Variants in HOOK3 observed in about 807,000 individuals in gnomAD.
The protein encoded by HOOK3 is hook microtubule tethering protein 3.
HOOK3 carries 24 observed loss-of-function variants against 116.3 expected under a neutral mutation model. The observed-to-expected ratio is 0.21, with a 90% CI of 0.15 to 0.29. The LOEUF (loss-of-function observed/expected upper bound fraction) is 0.29. Among genes scored for constraint, HOOK3 ranks in the 10% least tolerant of loss-of-function variants. The pLI is 1.00. For missense variants in HOOK3, 632 were observed against 830.2 expected, an observed-to-expected ratio of 0.76 and a Z score of 2.93; for synonymous variants, 275 against 283.0, an observed-to-expected ratio of 0.97 and a Z score of 0.28.
At chr8:42,901,347 A>C (rs570322134) in intron 1 of HOOK3, among the ~76,000 whole-genome samples, 1 of 152,332 alleles carries the variant, frequency 6.6e-6, no homozygotes, top group African/African-American at 2.4e-5. Flanking sequence ...TGCTATCCTG[A>C]AATAGATGTT....
chr8:42,961,461 A>C (rs925883835), intron 8 of HOOK3, among the ~76,000 whole-genome samples: 1 of 152,180 alleles, frequency 6.6e-6, no homozygotes, highest in South Asian at 2.1e-4. Flanking sequence ...TGGGTGACTG[A>C]GTGAAATGAA....
At chr8:42,990,480 C>A (rs147385536) in intron 15 of HOOK3, among the ~76,000 whole-genome samples, 1 of 151,212 alleles carries the variant, frequency 6.6e-6, no homozygotes, top group Non-Finnish European at 1.5e-5. Flanking sequence ...GCTGAGATTA[C>A]AGGCATGTCC....
chr8:42,984,900 G>GA (rs1362209233), intron 14 of HOOK3, among the ~76,000 whole-genome samples: 3 of 151,738 alleles, frequency 2.0e-5, no homozygotes, highest in South Asian at 2.1e-4. Flanking sequence ...GATTCTGTCT[G>GA]AAAAAAAAGA....
chr8:43,014,166 A>G (rs1382726151), intron 21 of HOOK3, among the ~76,000 whole-genome samples: 1 of 151,402 alleles, frequency 6.6e-6, no homozygotes, highest in Non-Finnish European at 1.5e-5. Context: ...CATGCTTGTA[A>G]TCCCAGCTAC....
At chr8:43,016,717 G>A (rs1389950294) in intron 21 of HOOK3, among the ~76,000 whole-genome samples, 3 of 152,154 alleles carry the variant, frequency 2.0e-5, no homozygotes, top group Admixed American at 6.5e-5. Context: ...AATATATGTA[G>A]CCAAATGTAT....
chr8:42,927,793 T>C (rs1807797234), intron 3 of HOOK3, among the ~76,000 whole-genome samples: 1 of 152,072 alleles, frequency 6.6e-6, no homozygotes, highest in African/African-American at 2.4e-5. Flanking sequence ...TTTGTAGGGA[T>C]GAGGTCATGC....
Position 42,968,095 on chromosome 8 carries a change from C to A in HOOK3, c.1003C>A (p.Arg335=). The A allele has an allele frequency of 6.2e-7, 1 of 1,610,116 alleles. No individual in the cohort carries two copies. The highest frequency in any genetic ancestry group is 8.5e-7 in the Non-Finnish European group (1 of 1,176,582). The change falls in exon 11 of 22, where the codon CGG becomes AGG. Residue 335 remains arginine (R), a synonymous_variant. Coordinates refer to ENST00000307602, the MANE Select transcript of HOOK3 (RefSeq NM_032410.4). ...GCTAGAAGACCTTGGTGATTTAAGG[C>A]GGCAGGTTAAACTCTTAGAAGAGAA... ...KKLEDLGDLR[R]QVKLLEEKNT...
chr8:42,939,623 G>C (rs1348687373), intron 4 of HOOK3, among the ~76,000 whole-genome samples: 1 of 147,318 alleles, frequency 6.8e-6, no homozygotes, highest in African/African-American at 2.5e-5. Flanking sequence ...GCGGGGGGCT[G>C]ACCCCCCCAC....
rs147078070 is a variant in HOOK3 at position 43,027,257 on chromosome 8, T to A, written c.*8759T>A. On this transcript the variant is annotated 3_prime_UTR_variant, in exon 22 of 22. Coordinates refer to ENST00000307602, the MANE Select transcript of HOOK3 (RefSeq NM_032410.4). Reference sequence around the variant, plus strand: ...TTTCAACTTGTCTACCGAGAGACTTTCTTTAGGAGCCAGGACTTCTACATT... The same window carrying A: ...TTTCAACTTGTCTACCGAGAGACTTACTTTAGGAGCCAGGACTTCTACATT... 3.9e-5 allele frequency: 10 copies of A among 258,420 alleles called. No individual in the cohort carries two copies. The highest frequency in any genetic ancestry group is 2.6e-4 in the Admixed American group (5 of 19,032). The allele number at this position is 258,420 out of a possible 1,614,324, so 16.0% of individuals were successfully genotyped here.
chr8:42,931,151 C>T (rs1015708696), intron 4 of HOOK3, among the ~76,000 whole-genome samples: 7 of 152,138 alleles, frequency 4.6e-5, no homozygotes, highest in Non-Finnish European at 8.8e-5. Flanking sequence ...CCTTTTCTTC[C>T]GTAGCCTTTG....
At chr8:42,986,588 C>G (rs1007624974) in intron 14 of HOOK3, 67 bp from the exon 15 acceptor site, 1 of 1,207,838 alleles carries the variant, frequency 8.3e-7, no homozygotes, top group Admixed American at 2.5e-5. Context: ...GATTTGATAC[C>G]TGTGTTGTAT....
intron 15 of HOOK3, 82 bp from the exon 16 acceptor site, chr8:42,997,468 C>T (rs1809300546): frequency 2.5e-6 from 2 of 799,724 alleles, no homozygotes; most frequent in South Asian, 1.7e-5. Flanking sequence ...GCTAATTATA[C>T]TTTCTAACTA....
At chr8:42,921,684 A>G (rs1189997855) in intron 2 of HOOK3, among the ~76,000 whole-genome samples, 7 of 152,174 alleles carry the variant, frequency 4.6e-5, no homozygotes, top group Admixed American at 2.6e-4. Flanking sequence ...GACTCTTTGG[A>G]TCATTGAGGT....
At chr8:42,933,883 A>T (rs1332078685) in intron 4 of HOOK3, among the ~76,000 whole-genome samples, 1 of 151,910 alleles carries the variant, frequency 6.6e-6, no homozygotes, top group Non-Finnish European at 1.5e-5. Context: ...ACTTTCTGGG[A>T]CCTTTTAGGT....
At chr8:42,916,444 G>T (rs961448937) in intron 2 of HOOK3, among the ~76,000 whole-genome samples, 2 of 152,134 alleles carry the variant, frequency 1.3e-5, no homozygotes, top group African/African-American at 4.8e-5. Context: ...CAAGTTAAGG[G>T]CATAGTCCTT....
At chr8:42,907,832 A>C (rs926108378) in intron 2 of HOOK3, among the ~76,000 whole-genome samples, 2 of 151,220 alleles carry the variant, frequency 1.3e-5, no homozygotes, top group South Asian at 2.1e-4. Context: ...AAAAAAAAAA[A>C]AAAAAAACAG....
At chr8:42,902,721 C>T (rs1807216611) in intron 1 of HOOK3, among the ~76,000 whole-genome samples, 1 of 152,182 alleles carries the variant, frequency 6.6e-6, no homozygotes, top group Non-Finnish European at 1.5e-5. Flanking sequence ...TTTCCCCAAT[C>T]TTTCTTTATA....
rs2130322678 is a variant in HOOK3 at position 42,906,202 on chromosome 8, C to G, written c.87C>G (p.Cys29Trp). The change falls in exon 2 of 22, where the codon TGC becomes TGG. Residue 29 changes from cysteine (C) to tryptophan (W), a missense_variant. By Grantham distance (215) the Cys-to-Trp change is radical. This residue lies in a region of HOOK3 where 141 missense variants were observed against 150.8 expected (regional missense o/e 0.93). Transcript: ENST00000307602. Reference sequence around the variant, plus strand: ...AGACATTTAATGTGGATGCACCATGCCAGACCGTGGAAGATTTAACGAATG... The same window carrying G: ...AGACATTTAATGTGGATGCACCATGGCAGACCGTGGAAGATTTAACGAATG... ...WIQTFNVDAPCQTVEDLTNGV... is the reference protein window; with the variant it reads ...WIQTFNVDAPWQTVEDLTNGV... The G allele has an allele frequency of 7.1e-7, 1 of 1,413,082 alleles. No homozygotes were observed. Among genetic ancestry groups the G allele is most frequent in the East Asian group, 3.6e-5 (1 of 27,646 alleles). The allele number at this position is 1,413,082 out of a possible 1,614,324, so 87.5% of individuals were successfully genotyped here.
chr8:43,006,440 G>A (rs896100286), intron 17 of HOOK3, among the ~76,000 whole-genome samples: 1 of 151,692 alleles, frequency 6.6e-6, no homozygotes, highest in Non-Finnish European at 1.5e-5. Context: ...TTAGCCTCCC[G>A]AGTAGCTGAG....
Sources: allele counts gnomAD v4.1 joint callset (sites outside exome capture counted in the v4.1 genomes callset), GRCh38; gene constraint gnomAD v4.1.1; regional missense constraint gnomAD v4.1.1; transcripts MANE v1.5; gene names NCBI Gene and HGNC (gene_info 2026-07-23, HGNC 2026-07-21).